Variants in RSPO3 observed in about 807,000 individuals in gnomAD.
The protein encoded by RSPO3 is R-spondin-3.
In RSPO3, 17 loss-of-function variants were observed where a neutral mutation model predicts 36.5. The observed-to-expected ratio is 0.47, with a 90% CI of 0.32 to 0.70. RSPO3 has a LOEUF of 0.70. Among genes scored for constraint, RSPO3 ranks in the 30% least tolerant of loss-of-function variants. The pLI, the probability that RSPO3 is intolerant of heterozygous loss-of-function variation, is 0.04. For synonymous variants in RSPO3, 108 were observed against 107.0 expected (o/e 1.01, Z -0.06); for missense variants, 294 against 322.5 (o/e 0.91, Z 0.68).
intron 1 of RSPO3, among the ~76,000 whole-genome samples, chr6:127,143,189 A>G (rs1425893431): frequency 6.6e-6 from 1 of 152,204 alleles, no homozygotes; most frequent in Non-Finnish European, 1.5e-5. Context: ...AACCTATTCA[A>G]TAAATAGCTT....
At chr6:127,171,212 T>A (rs935268919) in intron 4 of RSPO3, among the ~76,000 whole-genome samples, 17 of 151,914 alleles carry the variant, frequency 1.1e-4, no homozygotes, top group African/African-American at 3.9e-4. Context: ...GTATTTGACA[T>A]TCCTGTGGAC....
chr6:127,153,674 G>A (rs1374442419), intron 3 of RSPO3, among the ~76,000 whole-genome samples: 3 of 151,982 alleles, frequency 2.0e-5, no homozygotes, highest in Non-Finnish European at 4.4e-5. Context: ...AAAGAGCACC[G>A]AAGTTCTGGT....
rs779718300 is a variant in RSPO3, at chr6:127,155,404, A to C, written c.600A>C (p.Thr200=). ...CPPTNETRKC[T]VQRKKCQKGE... Reference sequence around the variant, plus strand: ...CAACAAATGAGACAAGAAAGTGTACAGTGCAAAGGAAGAAGTGTCAGAAGG... The same window carrying C: ...CAACAAATGAGACAAGAAAGTGTACCGTGCAAAGGAAGAAGTGTCAGAAGG... Residue 200 remains threonine (T), a synonymous_variant, in exon 4 of 5, where the codon ACA becomes ACC. Transcript: ENST00000356698. The C allele has an allele frequency of 1.2e-6, 2 of 1,613,796 alleles. No individual in the cohort carries two copies. The highest frequency in any genetic ancestry group is 1.1e-5 in the South Asian group (1 of 91,084).
intron 4 of RSPO3, among the ~76,000 whole-genome samples, chr6:127,172,203 T>C (rs1176850786): frequency 6.8e-6 from 1 of 146,502 alleles, no homozygotes; most frequent in Non-Finnish European, 1.5e-5. Context: ...ATTATAGATA[T>C]ACAGATATAA....
chr6:127,150,096 A>C (rs1434795533), intron 2 of RSPO3, among the ~76,000 whole-genome samples: 1 of 151,984 alleles, frequency 6.6e-6, no homozygotes, highest in Non-Finnish European at 1.5e-5. Flanking sequence ...ATGTTTTCTT[A>C]AGGTTCTGAT....
chr6:127,142,772 A>G (rs1774301260), intron 1 of RSPO3, among the ~76,000 whole-genome samples: 1 of 151,636 alleles, frequency 6.6e-6, no homozygotes, highest in Non-Finnish European at 1.5e-5. Context: ...CATTTTTATT[A>G]TTCTTTCTTT....
At position 127,177,137 on chromosome 6, in the gene RSPO3, G is replaced by A. The variant is rs73771609; in HGVS notation, c.635-18686G>A. Among the ~76,000 whole-genome samples the A allele has an allele frequency of 6.0e-3, 907 of 151,852 alleles. 7 individuals carry two copies. The highest frequency in any genetic ancestry group is 0.017 in the African/African-American group (725 of 41,460). ...GTCTATTGCTCACATCAATATTCCC[G>A]CTGGATATTTTGCTCATTCCTTGGG... On this transcript the variant is annotated intron_variant, in intron 4 of 4. Transcript: ENST00000356698.
chr6:127,163,470 T>C, intron 4 of RSPO3, among the ~76,000 whole-genome samples: 1 of 152,142 alleles, frequency 6.6e-6, no homozygotes, highest in East Asian at 1.9e-4. Context: ...CTTGGGCCTC[T>C]CAAGAGGTGT....
chr6:127,147,055 G>A (rs1352072134), intron 1 of RSPO3, among the ~76,000 whole-genome samples: 4 of 152,094 alleles, frequency 2.6e-5, no homozygotes, highest in African/African-American at 9.7e-5. Flanking sequence ...CCCCACAGAG[G>A]AGCATGCACA....
intron 2 of RSPO3, among the ~76,000 whole-genome samples, chr6:127,150,032 T>C (rs933259523): frequency 7.9e-5 from 12 of 151,992 alleles, no homozygotes; most frequent in African/African-American, 2.7e-4. Context: ...CAATCAAATA[T>C]TTGTTGTAAG....
chr6:127,162,617 G>A (rs1582801942), intron 4 of RSPO3, among the ~76,000 whole-genome samples: 1 of 152,116 alleles, frequency 6.6e-6, no homozygotes, highest in Admixed American at 6.6e-5. Flanking sequence ...CATGTGCTGG[G>A]CACTCTTAGG....
intron 1 of RSPO3, among the ~76,000 whole-genome samples, chr6:127,140,963 T>C (rs1441741086): frequency 2.6e-5 from 4 of 152,224 alleles, no homozygotes; most frequent in Non-Finnish European, 4.4e-5. Flanking sequence ...CCCTGACATG[T>C]ATTTAAGGAA....
Position 127,133,763 on chromosome 6 carries a change from A to G in RSPO3, c.97+14474A>G, listed in dbSNP as rs117545633. Among the ~76,000 whole-genome samples, 388 of 152,296 alleles carry G rather than the reference A, an allele frequency of 2.5e-3. 5 individuals carry two copies. Among genetic ancestry groups the G allele is most frequent in the East Asian group, 0.013 (67 of 5,188 alleles). ...CTTGTTAGGGGAAAAATATGGAAAA[A>G]TCAAAATTGAACTCAGCACTAACTA... On this transcript the variant is annotated intron_variant, in intron 1 of 4. Transcript: ENST00000356698.
At chr6:127,123,619 C>T (rs1773887021) in intron 1 of RSPO3, among the ~76,000 whole-genome samples, 1 of 152,034 alleles carries the variant, frequency 6.6e-6, no homozygotes, top group Non-Finnish European at 1.5e-5. Flanking sequence ...AGGATTTTAA[C>T]AAGAACGTTA....
At chr6:127,178,238 A>G (rs923319473) in intron 4 of RSPO3, among the ~76,000 whole-genome samples, 3 of 151,496 alleles carry the variant, frequency 2.0e-5, no homozygotes, top group African/African-American at 7.3e-5. Context: ...ATCACAGACA[A>G]CTCCTTGAGA....
At chr6:127,149,390 TC>T (rs1774445896) in intron 2 of RSPO3, among the ~76,000 whole-genome samples, 1 of 151,836 alleles carries the variant, frequency 6.6e-6, no homozygotes, top group Admixed American at 6.6e-5. Context: ...CTCCTACAAC[TC>T]CCCCTCACCC....
intron 4 of RSPO3, among the ~76,000 whole-genome samples, chr6:127,177,901 T>C (rs1427555054): frequency 6.6e-6 from 1 of 151,716 alleles, no homozygotes; most frequent in Non-Finnish European, 1.5e-5. Context: ...TCTTGGTTTT[T>C]TTTTTACAAA....
intron 1 of RSPO3, among the ~76,000 whole-genome samples, chr6:127,143,522 T>C (rs1251804612): frequency 1.3e-5 from 2 of 152,220 alleles, no homozygotes; most frequent in Non-Finnish European, 2.9e-5. Context: ...TAGATCAAAT[T>C]TGTGAATTTA....
At position 127,150,435 on chromosome 6, in the gene RSPO3, C is replaced by A; in HGVS notation, c.299C>A (p.Ala100Asp). The A allele has an allele frequency of 1.2e-6, 2 of 1,610,956 alleles. No homozygotes were observed. The highest frequency in any genetic ancestry group is 1.7e-6 in the Non-Finnish European group (2 of 1,178,680). Residue 100 changes from alanine to aspartate, a missense_variant, in exon 3 of 5, where the codon GCT becomes GAT. Ala to Asp is a moderately radical substitution (Grantham distance 126, BLOSUM62 -2). Transcript: ENST00000356698. Reference sequence around the variant, plus strand: ...CTTTTTTCTCTTTCAGAATGCAAAGCTGACTGTGATACCTGTTTCAACAAA... The same window carrying A: ...CTTTTTTCTCTTTCAGAATGCAAAGATGACTGTGATACCTGTTTCAACAAA... ...PDINKCTKCK[A>D]DCDTCFNKNF...
Sources: gnomAD v4.1 joint callset for allele counts (sites outside exome capture counted in the v4.1 genomes callset) on GRCh38, gnomAD v4.1.1 for gene constraint, MANE v1.5 for transcripts, NCBI Gene and HGNC (gene_info 2026-07-23, HGNC 2026-07-21) for gene names.